The following SNCAIP variants were observed in gnomAD, a reference collection of about 807,000 sequenced individuals.
SNCAIP encodes the protein synuclein alpha interacting protein, also known as synphilin-1.
Under a neutral mutation model 86.7 loss-of-function variants are expected in SNCAIP, and 43 were observed. The ratio of observed to expected loss-of-function variants is 0.50; its 90% confidence interval spans 0.39 to 0.64. The LOEUF is 0.64. Among genes scored for constraint, SNCAIP ranks in the 30% least tolerant of loss-of-function variants. The pLI, the probability that SNCAIP is intolerant of heterozygous loss-of-function variation, is 0.00. For missense variants in SNCAIP, 981 were observed against 1,103.1 expected, an observed-to-expected ratio of 0.89 and a Z score of 1.57; for synonymous variants, 417 against 427.2, an observed-to-expected ratio of 0.98 and a Z score of 0.29.
intron 1 of SNCAIP, among the ~76,000 whole-genome samples, chr5:122,316,268 G>A (rs745336557): frequency 4.6e-5 from 7 of 152,164 alleles, no homozygotes; most frequent in Non-Finnish European, 1.5e-5. Context: ...AGGATGGAAG[G>A]TCTACTCTTA....
chr5:122,350,692 G>A (rs903374560), intron 1 of SNCAIP, among the ~76,000 whole-genome samples: 10 of 152,134 alleles, frequency 6.6e-5, no homozygotes, highest in Admixed American at 1.3e-4. Flanking sequence ...GAAGCCTGGA[G>A]GTCACAGAAC....
intron 8 of SNCAIP, among the ~76,000 whole-genome samples, chr5:122,445,929 CT>C (rs1257772682): frequency 6.6e-6 from 1 of 151,874 alleles, no homozygotes; most frequent in African/African-American, 2.4e-5. Context: ...ACCCCTCCCC[CT>C]GTCAATACTA....
intron 3 of SNCAIP, among the ~76,000 whole-genome samples, chr5:122,407,308 T>C (rs562481865): frequency 1.3e-5 from 2 of 152,178 alleles, no homozygotes; most frequent in South Asian, 4.2e-4. Context: ...GAACTAGTAA[T>C]TGCAAAGTGC....
chr5:122,354,083 C>T (rs2152749937), intron 1 of SNCAIP, among the ~76,000 whole-genome samples: 1 of 152,268 alleles, frequency 6.6e-6, no homozygotes, highest in South Asian at 2.1e-4. Flanking sequence ...AGTTGGAAAC[C>T]AGACTGACCC....
At chr5:122,460,348 T>A (rs1236419604) in intron 10 of SNCAIP, among the ~76,000 whole-genome samples, 1 of 152,198 alleles carries the variant, frequency 6.6e-6, no homozygotes, top group African/African-American at 2.4e-5. Flanking sequence ...AATGATTACA[T>A]ATCTTGCCCA....
At chr5:122,403,710 G>C (rs1036987682) in intron 2 of SNCAIP, 83 bp from the exon 3 acceptor site, 2 of 1,041,344 alleles carry the variant, frequency 1.9e-6, no homozygotes, top group African/African-American at 3.1e-5. Flanking sequence ...ATCACTTATT[G>C]TGTTTTGTTT....
chr5:122,351,216 T>C (rs1759704995), intron 1 of SNCAIP, among the ~76,000 whole-genome samples: 1 of 152,082 alleles, frequency 6.6e-6, no homozygotes, highest in Non-Finnish European at 1.5e-5. Context: ...TTAATAGATG[T>C]GCTTATTTGA....
chr5:122,453,758 CT>C (rs72006645), intron 10 of SNCAIP, among the ~76,000 whole-genome samples: 25,533 of 136,434 alleles, frequency 0.19, 1,822 homozygotes, highest in South Asian at 0.26. Flanking sequence ...AAGACTATCA[CT>C]TTTTTTTTTT....
intron 10 of SNCAIP, among the ~76,000 whole-genome samples, chr5:122,458,474 A>G (rs761268959): frequency 1.3e-5 from 2 of 152,124 alleles, no homozygotes; most frequent in Non-Finnish European, 2.9e-5. Context: ...GCATCTTTGT[A>G]CTTTAAAAGA....
chr5:122,354,638 T>C (rs1221089410), intron 1 of SNCAIP, among the ~76,000 whole-genome samples: 3 of 152,184 alleles, frequency 2.0e-5, no homozygotes, highest in Non-Finnish European at 2.9e-5. Flanking sequence ...AGTGAAGTAA[T>C]CATGTTAATA....
intron 6 of SNCAIP, among the ~76,000 whole-genome samples, chr5:122,433,384 A>G (rs1057450013): frequency 2.0e-5 from 3 of 152,152 alleles, no homozygotes; most frequent in Admixed American, 2.0e-4. Flanking sequence ...AGCAAAGACT[A>G]GATTTCAACT....
chr5:122,352,769 G>A (rs540244828), intron 1 of SNCAIP, among the ~76,000 whole-genome samples: 1 of 152,290 alleles, frequency 6.6e-6, no homozygotes, highest in Admixed American at 6.5e-5. Context: ...CAGCAATTTA[G>A]GAAGCTGAGG....
chr5:122,335,832 G>T (rs1756333883), intron 1 of SNCAIP, among the ~76,000 whole-genome samples: 1 of 152,154 alleles, frequency 6.6e-6, no homozygotes, highest in South Asian at 2.1e-4. Context: ...CCCCAGGAAG[G>T]TGGCTCTTTC....
chr5:122,431,949 C>T lies in SNCAIP; in HGVS notation c.1183-20C>T, dbSNP rs755398760. On this transcript the variant is annotated intron_variant, in intron 5 of 10. Coordinates refer to ENST00000261368, the MANE Select transcript of SNCAIP (RefSeq NM_005460.4). Reference sequence around the variant, plus strand: ...TGAGTTACCTTGAATTTCCATCTCCCTTTCTTTTTTAAAACCTAGAATGGT... The same window carrying T: ...TGAGTTACCTTGAATTTCCATCTCCTTTTCTTTTTTAAAACCTAGAATGGT... 3 of 1,237,392 alleles carry T rather than the reference C, an allele frequency of 2.4e-6. No individual in the cohort carries two copies. The South Asian group carries it at 3.6e-5, about 15-fold the overall frequency. The allele number at this position is 1,237,392 out of a possible 1,614,324, so 76.7% of individuals were successfully genotyped here.
At chr5:122,386,921 T>C (rs1768278063) in intron 1 of SNCAIP, among the ~76,000 whole-genome samples, 1 of 152,030 alleles carries the variant, frequency 6.6e-6, no homozygotes, top group African/African-American at 2.4e-5. Context: ...TTTCAATCCG[T>C]GGACAATACT....
chr5:122,457,517 G>GT (rs1785051872), intron 10 of SNCAIP, among the ~76,000 whole-genome samples: 1 of 151,990 alleles, frequency 6.6e-6, no homozygotes. Flanking sequence ...CTCCCACAGT[G>GT]TACCCCCAGG....
At chr5:122,323,149 G>T (rs972286392) in intron 1 of SNCAIP, among the ~76,000 whole-genome samples, 2 of 152,158 alleles carry the variant, frequency 1.3e-5, no homozygotes, top group East Asian at 3.8e-4. Context: ...TCGGGCAACA[G>T]CGCCTCAGAG....
Position 122,423,374 on chromosome 5 carries a change from G to T in SNCAIP, c.637G>T (p.Val213Leu), listed in dbSNP as rs201152226. 1 of 1,613,504 alleles carries T rather than the reference G, an allele frequency of 6.2e-7. No individual in the cohort carries two copies. Among genetic ancestry groups the T allele is most frequent in the Non-Finnish European group, 8.5e-7 (1 of 1,179,642 alleles). The change falls in exon 4 of 11, where the codon GTG becomes TTG. Residue 213 changes from valine (V) to leucine (L), a missense_variant. Transcript: ENST00000261368. The stretch of plus-strand genomic sequence containing the variant: ...GGCACCATTTTGTGTTCTTTCTCCC[G>T]TGAAAAGCCCTCACTTGAGAAAAGC... ...NMAPFCVLSP[V>L]KSPHLRKASA...
intron 3 of SNCAIP, 48 bp from the exon 4 acceptor site, chr5:122,422,820 T>C: frequency 6.6e-7 from 1 of 1,514,492 alleles, no homozygotes; most frequent in Non-Finnish European, 9.2e-7. Flanking sequence ...CCAAGATGTG[T>C]TCAGCATTCC....
Sources: allele counts gnomAD v4.1 joint callset (sites outside exome capture counted in the v4.1 genomes callset), GRCh38; gene constraint gnomAD v4.1.1; transcripts MANE v1.5; gene names NCBI Gene and HGNC (gene_info 2026-07-23, HGNC 2026-07-21).